Variants in PTPA observed in about 807,000 individuals in gnomAD.
PTPA encodes the protein serine/threonine-protein phosphatase 2A activator.
Under a neutral mutation model 43.6 loss-of-function variants are expected in PTPA, and 13 were observed. That is an observed-to-expected ratio of 0.30 (90% CI 0.19 to 0.47). PTPA has a LOEUF of 0.47. Ranked by LOEUF, PTPA falls within the 20% of genes least tolerant of loss-of-function variation. The pLI, the probability that PTPA is intolerant of heterozygous loss-of-function variation, is 0.99. For missense variants in PTPA, 329 were observed against 411.9 expected, an observed-to-expected ratio of 0.80 and a Z score of 1.74; for synonymous variants, 172 against 158.2, an observed-to-expected ratio of 1.09 and a Z score of -0.66.
At chr9:129,123,944 A>T (rs193071173) in intron 3 of PTPA, among the ~76,000 whole-genome samples, 64 of 152,238 alleles carry the variant, frequency 4.2e-4, no homozygotes, top group African/African-American at 1.5e-3. Flanking sequence ...CGGCCTCCCA[A>T]AGTGCTGGGA....
At chr9:129,143,525 C>A (rs1449118307) in intron 9 of PTPA, 2 of 687,280 alleles carry the variant, frequency 2.9e-6, no homozygotes, top group Non-Finnish European at 5.3e-6. Context: ...GGCGGGACAA[C>A]GGGGAAGGGT....
At chr9:129,124,341 G>A (rs1849440505) in intron 3 of PTPA, among the ~76,000 whole-genome samples, 1 of 125,862 alleles carries the variant, frequency 7.9e-6, no homozygotes, top group African/African-American at 3.1e-5. Flanking sequence ...ACCAAGCTTG[G>A]CCCCTCATTT....
intron 8 of PTPA, chr9:129,139,954 G>T (rs1180260581): frequency 4.6e-5 from 7 of 152,330 alleles, no homozygotes; most frequent in African/African-American, 1.7e-4. Context: ...GGCAGGAAAA[G>T]AATTTCAGTT....
chr9:129,142,056 T>G, intron 8 of PTPA: 1 of 172,352 alleles, frequency 5.8e-6, no homozygotes, highest in Non-Finnish European at 1.2e-5. Flanking sequence ...TCCTGGGGAG[T>G]CGGTGGGAAC....
At chr9:129,111,366 C>T, upstream of PTPA, 2 of 1,216,380 alleles carry the variant, frequency 1.6e-6, no homozygotes, top group Non-Finnish European at 2.1e-6. Flanking sequence ...CGGTTCCGCG[C>T]GTCCGCCGCG....
chr9:129,114,371 T>C (rs913121959), intron 1 of PTPA, among the ~76,000 whole-genome samples: 4 of 152,244 alleles, frequency 2.6e-5, no homozygotes. Context: ...GAGTCATACA[T>C]ATCTGGCTCT....
At chr9:129,134,296 C>CTTT (rs68089837) in intron 5 of PTPA, among the ~76,000 whole-genome samples, 663 of 56,902 alleles carry the variant, frequency 0.012, 116 homozygotes, top group African/African-American at 0.023. Context: ...ACTGGTAGTT[C>CTTT]TTTTTTTTTT....
intron 3 of PTPA, among the ~76,000 whole-genome samples, chr9:129,124,982 C>G (rs535280035): frequency 2.0e-5 from 3 of 152,224 alleles, no homozygotes; most frequent in Non-Finnish European, 2.9e-5. Context: ...TGGTAGACAG[C>G]CTTCCCTTGG....
intron 9 of PTPA, among the ~76,000 whole-genome samples, chr9:129,144,350 A>C (rs183645657): frequency 1.3e-4 from 20 of 152,196 alleles, no homozygotes; most frequent in Admixed American, 9.2e-4. Flanking sequence ...TAGTAATCTG[A>C]AAAAGGGAGA....
intron 6 of PTPA, among the ~76,000 whole-genome samples, chr9:129,135,146 G>A (rs940569218): frequency 6.6e-6 from 1 of 152,342 alleles, no homozygotes; most frequent in African/African-American, 2.4e-5. Flanking sequence ...TGTAATCCCA[G>A]GACTTTGGGA....
At chr9:129,138,771 A>G (rs1850555197) in intron 8 of PTPA, among the ~76,000 whole-genome samples, 1 of 152,190 alleles carries the variant, frequency 6.6e-6, no homozygotes, top group Non-Finnish European at 1.5e-5. Flanking sequence ...CCTGGTCAAC[A>G]TTCGGCTCAG....
At chr9:129,128,640 G>A (rs1242402126) in intron 3 of PTPA, among the ~76,000 whole-genome samples, 3 of 151,798 alleles carry the variant, frequency 2.0e-5, no homozygotes, top group Non-Finnish European at 4.4e-5. Context: ...AGTAGGTATT[G>A]CATACTGAAC....
At chr9:129,123,022 C>T in intron 2 of PTPA, 30 bp from the exon 3 acceptor site, 2 of 1,559,740 alleles carry the variant, frequency 1.3e-6, no homozygotes, top group South Asian at 1.1e-5. Flanking sequence ...CACCCCTCTC[C>T]CCATCCCCAT....
At position 129,135,998 on chromosome 9, in the gene PTPA, T is replaced by C. The variant is rs184322451; in HGVS notation, c.561-473T>C. Among the ~76,000 whole-genome samples the C allele has an allele frequency of 1.3e-3, 196 of 152,290 alleles. 1 individual carries two copies. The highest frequency in any genetic ancestry group is 4.4e-5 in the Non-Finnish European group (3 of 68,018). On this transcript the variant is annotated intron_variant, in intron 6 of 9. Transcript: ENST00000393370. ...GTTTATTTTTTTTGAGACAGGGTCT[T>C]GCTCTGTCGCCCAGGCTGGAGTGCA... is the stretch of plus-strand genomic sequence containing the variant.
chr9:129,124,070 C>T (rs1849425155), intron 3 of PTPA, among the ~76,000 whole-genome samples: 1 of 152,212 alleles, frequency 6.6e-6, no homozygotes, highest in Non-Finnish European at 1.5e-5. Flanking sequence ...ATGTGTATGA[C>T]ATTCACAGCA....
chr9:129,111,651 G>A lies in PTPA; in HGVS notation c.31+20G>A. The A allele has an allele frequency of 1.6e-6, 2 of 1,279,586 alleles. No homozygotes were observed. Among genetic ancestry groups the A allele is most frequent in the Non-Finnish European group, 2.0e-6 (2 of 1,005,518 alleles). 79.3% of individuals were successfully genotyped at this position (1,279,586 alleles called of 1,614,324 possible). A position where few individuals can be genotyped will look rare whatever the true frequency, so the allele number is the denominator to read the frequency against. On this transcript the variant is annotated intron_variant, in intron 1 of 9. Transcript: ENST00000393370. The stretch of plus-strand genomic sequence containing the variant: ...CGCCAGGTAAGGCCGGCGGGGCCAG[G>A]CCGGGCCGGGGTCGGGTAGGGTGGG...
intron 3 of PTPA, among the ~76,000 whole-genome samples, chr9:129,124,483 G>A (rs1360787296): frequency 6.6e-6 from 1 of 152,238 alleles, no homozygotes; most frequent in African/African-American, 2.4e-5. Context: ...GAAATGTGGA[G>A]TCAAAGGGCA....
chr9:129,143,713 C>T (rs1213027112), intron 9 of PTPA: 1 of 392,682 alleles, frequency 2.5e-6, no homozygotes, highest in African/African-American at 2.0e-5. Context: ...AGGTTCCAGC[C>T]CACATACCTC....
intron 2 of PTPA, 42 bp from the exon 3 acceptor site, chr9:129,123,010 G>A: frequency 2.7e-6 from 4 of 1,478,582 alleles, no homozygotes; most frequent in Middle Eastern, 2.0e-4. Context: ...GGGGGGGTCT[G>A]CCACCCCTCT....
Sources: gnomAD v4.1 joint callset for allele counts (sites outside exome capture counted in the v4.1 genomes callset) on GRCh38, gnomAD v4.1.1 for gene constraint, MANE v1.5 for transcripts, NCBI Gene and HGNC (gene_info 2026-07-23, HGNC 2026-07-21) for gene names.